RANBP17: variants seen among roughly 807,000 people sequenced by gnomAD.
The protein encoded by RANBP17 is ran-binding protein 17.
RANBP17 carries 158 observed loss-of-function variants against 141.2 expected under a neutral mutation model. That is an observed-to-expected ratio of 1.12 (90% confidence interval 0.98 to 1.28). The LOEUF is 1.28. RANBP17 is among the 50% of genes most tolerant of loss of function. The probability of loss-of-function intolerance (pLI) is 0.00; values close to 1 mark genes in which losing one functional copy is unlikely to be tolerated. For synonymous variants in RANBP17, 430 were observed against 450.0 expected, an observed-to-expected ratio of 0.96 and a Z score of 0.56; for missense variants, 1,438 against 1,290.7, an observed-to-expected ratio of 1.11 and a Z score of -1.75.
intron 24 of RANBP17, among the ~76,000 whole-genome samples, chr5:171,254,763 G>A (rs941512638): frequency 1.3e-5 from 2 of 152,108 alleles, no homozygotes; most frequent in African/African-American, 2.4e-5. Context: ...CAGGATAATA[G>A]CAATCAGGCG....
chr5:171,055,669 T>C (rs1374712078), intron 14 of RANBP17, among the ~76,000 whole-genome samples: 2 of 152,014 alleles, frequency 1.3e-5, no homozygotes, highest in Admixed American at 1.3e-4. Context: ...CCAAGATAAC[T>C]TGGGGCTTCT....
chr5:171,247,008 A>G (rs770902052), intron 24 of RANBP17, among the ~76,000 whole-genome samples: 1 of 152,232 alleles, frequency 6.6e-6, no homozygotes, highest in Non-Finnish European at 1.5e-5. Context: ...CTAGCATTAT[A>G]GTAAGTGTTC....
At chr5:171,215,504 GT>G (rs1248326711) in intron 21 of RANBP17, among the ~76,000 whole-genome samples, 1 of 152,130 alleles carries the variant, frequency 6.6e-6, no homozygotes, top group Non-Finnish European at 1.5e-5. Flanking sequence ...GGTTGAACTA[GT>G]TTACACTCCC....
chr5:171,078,514 A>T (rs183762194), intron 14 of RANBP17, among the ~76,000 whole-genome samples: 1 of 152,248 alleles, frequency 6.6e-6, no homozygotes, highest in African/African-American at 2.4e-5. Flanking sequence ...AATGCCATCT[A>T]GAACTTTCCT....
chr5:170,876,589 C>T (rs181427368), intron 1 of RANBP17, among the ~76,000 whole-genome samples: 4 of 152,018 alleles, frequency 2.6e-5, no homozygotes, highest in Non-Finnish European at 5.9e-5. Context: ...TATTTTTGGA[C>T]TTCTGTGTTT....
chr5:170,942,258 C>A (rs1312963424), intron 12 of RANBP17, among the ~76,000 whole-genome samples: 1 of 152,066 alleles, frequency 6.6e-6, no homozygotes, highest in African/African-American at 2.4e-5. Flanking sequence ...CTGTGCCTGG[C>A]ACCAAAAAGG....
At chr5:171,177,118 T>G (rs1405704770) in intron 16 of RANBP17, among the ~76,000 whole-genome samples, 1 of 152,178 alleles carries the variant, frequency 6.6e-6, no homozygotes, top group Non-Finnish European at 1.5e-5. Context: ...CAGGCATACT[T>G]CTATTAGCAT....
chr5:171,257,841 C>T (rs1453921024), intron 24 of RANBP17, among the ~76,000 whole-genome samples: 3 of 152,038 alleles, frequency 2.0e-5, no homozygotes, highest in African/African-American at 7.2e-5. Context: ...CACGGTGGCT[C>T]ACGCCTGTAA....
intron 1 of RANBP17, among the ~76,000 whole-genome samples, chr5:170,873,073 G>A (rs1429144976): frequency 6.6e-6 from 1 of 152,116 alleles, no homozygotes. Context: ...AACCGTGCCC[G>A]GCTGATTTTT....
chr5:171,082,647 C>T (rs981351912), intron 14 of RANBP17, among the ~76,000 whole-genome samples: 1 of 152,120 alleles, frequency 6.6e-6, no homozygotes, highest in Non-Finnish European at 1.5e-5. Flanking sequence ...GGTCACATAA[C>T]CTTTTAAGGC....
chr5:171,099,844 G>A (rs753926283), intron 14 of RANBP17, among the ~76,000 whole-genome samples: 11 of 152,088 alleles, frequency 7.2e-5, no homozygotes, highest in Non-Finnish European at 1.2e-4. Flanking sequence ...GGCTTTTTCT[G>A]CGTCTATTGA....
intron 12 of RANBP17, among the ~76,000 whole-genome samples, chr5:170,935,122 C>T (rs1238660124): frequency 6.6e-6 from 1 of 152,178 alleles, no homozygotes; most frequent in Non-Finnish European, 1.5e-5. Flanking sequence ...GCATGCATCA[C>T]GTAGTTCTCG....
intron 24 of RANBP17, among the ~76,000 whole-genome samples, chr5:171,247,478 T>G (rs1305232543): frequency 6.6e-6 from 1 of 152,250 alleles, no homozygotes; most frequent in Non-Finnish European, 1.5e-5. Flanking sequence ...TAATTTCTAT[T>G]GTTGCCTTGA....
chr5:171,036,799 A>G (rs752694827), intron 14 of RANBP17, among the ~76,000 whole-genome samples: 2 of 152,158 alleles, frequency 1.3e-5, no homozygotes, highest in Non-Finnish European at 2.9e-5. Flanking sequence ...GTGGTATTCC[A>G]TGGTGTATAT....
intron 14 of RANBP17, among the ~76,000 whole-genome samples, chr5:171,089,540 G>A (rs928840976): frequency 6.6e-6 from 1 of 151,906 alleles, no homozygotes; most frequent in South Asian, 2.1e-4. Flanking sequence ...GGGCAATGGC[G>A]GGCGCCCCTC....
chr5:171,241,359 A>G (rs1270438859), intron 23 of RANBP17, among the ~76,000 whole-genome samples: 1 of 151,228 alleles, frequency 6.6e-6, no homozygotes, highest in Non-Finnish European at 1.5e-5. Flanking sequence ...TATGTGCCCA[A>G]TGTAGTAGCA....
At position 170,862,074 on chromosome 5, in the gene RANBP17, G is replaced by C. The variant is rs967857446; in HGVS notation, c.18+23G>C. 3 of 1,445,912 alleles carry C rather than the reference G, an allele frequency of 2.1e-6. No individual in the cohort carries two copies. The African/African-American group carries it at 4.4e-5, about 21-fold the overall frequency. The allele number at this position is 1,445,912 out of a possible 1,614,324, so 89.6% of individuals were successfully genotyped here. On this transcript the variant is annotated intron_variant, in intron 1 of 27. Coordinates refer to ENST00000523189, the MANE Select transcript of RANBP17 (RefSeq NM_022897.5). Reference sequence around the variant, plus strand: ...CAGGTCAGTGTGCTCTGCGCCGCGGGCCCGCGCTCCGCCACGCTGGGAACC... The same window carrying C: ...CAGGTCAGTGTGCTCTGCGCCGCGGCCCCGCGCTCCGCCACGCTGGGAACC...
Position 171,265,671 on chromosome 5 carries a change from A to G in RANBP17, c.2777-10A>G, listed in dbSNP as rs772945274. ...TAATGCAAATGAATTCTTATTTACT[A>G]TTTGTACAGATACAGTTGTCTCCTC... On this transcript the variant is annotated splice_polypyrimidine_tract_variant and intron_variant, in intron 24 of 27. Coordinates refer to ENST00000523189, the MANE Select transcript of RANBP17 (RefSeq NM_022897.5). 21 of 1,598,402 alleles carry G rather than the reference A, an allele frequency of 1.3e-5. No individual in the cohort carries two copies. In the Admixed American group the frequency reaches 2.2e-4, roughly 16 times the overall value.
At chr5:171,191,579 C>T (rs949658606) in intron 18 of RANBP17, among the ~76,000 whole-genome samples, 6 of 151,782 alleles carry the variant, frequency 4.0e-5, no homozygotes, top group African/African-American at 1.2e-4. Flanking sequence ...CCCAGCTACT[C>T]GGGAGGCTGA....
Sources: gnomAD v4.1 joint callset for allele counts (sites outside exome capture counted in the v4.1 genomes callset) on GRCh38, gnomAD v4.1.1 for gene constraint, MANE v1.5 for transcripts, NCBI Gene and HGNC (gene_info 2026-07-23, HGNC 2026-07-21) for gene names.